NDUFAF6: variants seen among roughly 807,000 people sequenced by gnomAD.
The protein encoded by NDUFAF6 is NADH:ubiquinone oxidoreductase complex assembly factor 6, also known as NADH dehydrogenase (ubiquinone) complex I, assembly factor 6.
A neutral mutation model predicts 40.8 loss-of-function variants in NDUFAF6; 45 were observed. The ratio of observed to expected loss-of-function variants is 1.10; its 90% CI spans 0.87 to 1.42. The LOEUF is 1.42. Ranked by LOEUF, NDUFAF6 falls within the 40% of genes most tolerant of loss-of-function variation. The pLI is 0.00. For missense variants in NDUFAF6, 435 were observed against 418.5 expected (o/e 1.04, Z -0.34); for synonymous variants, 185 against 155.9 (o/e 1.19, Z -1.39).
rs558975637 is a variant in NDUFAF6 at position 95,049,551 on chromosome 8, T to G, written c.816+993T>G. Among the ~76,000 whole-genome samples, 4 of 152,330 alleles carry G rather than the reference T, an allele frequency of 2.6e-5. No homozygotes were observed. In the East Asian group the frequency reaches 5.8e-4, roughly 22 times the overall value. On this transcript the variant is annotated intron_variant, in intron 7 of 8. Transcript: ENST00000396124. ...TAGCTCCCATAATGCTAATTTTTCC[T>G]GGTACTTCTTGTGAACCTTTTCTTT...
At chr8:94,995,571 T>G (rs553513018) in intron 2 of NDUFAF6, among the ~76,000 whole-genome samples, 1 of 151,462 alleles carries the variant, frequency 6.6e-6, no homozygotes, top group East Asian at 1.9e-4. Flanking sequence ...TGAGCCCCCA[T>G]CTTTAAAAAT....
rs1352638791 is a variant in NDUFAF6, at chr8:95,052,240, T to C, written c.873+10T>C. ...TGCTTTTCTTCAGACGGTAAGTAGA[T>C]TAACAGAGAAGGCTGTATAATTAGT... is the stretch of plus-strand genomic sequence containing the variant. On this transcript the variant is annotated intron_variant, in intron 8 of 8. Coordinates refer to ENST00000396124, the MANE Select transcript of NDUFAF6 (RefSeq NM_152416.4). The C allele has an allele frequency of 6.2e-7, 1 of 1,613,170 alleles. No individual in the cohort carries two copies. The highest frequency in any genetic ancestry group is 1.3e-5 in the African/African-American group (1 of 74,920).
At chr8:94,915,110 C>G (rs920629635) in intron 1 of NDUFAF6, among the ~76,000 whole-genome samples, 5 of 151,526 alleles carry the variant, frequency 3.3e-5, no homozygotes, top group African/African-American at 1.2e-4. Context: ...GTCTGTTGTT[C>G]GCATCTTAAA....
chr8:94,943,135 G>C (rs1821702450), intron 1 of NDUFAF6, among the ~76,000 whole-genome samples: 1 of 152,116 alleles, frequency 6.6e-6, no homozygotes, highest in Non-Finnish European at 1.5e-5. Flanking sequence ...TCAGGAGTGT[G>C]GTCTCAGCTA....
In NDUFAF6 at chr8:94,940,940, A is replaced by G. The variant is rs1377380963; in HGVS notation, c.-935-4543A>G. 1.9e-6 allele frequency: 3 copies of G among 1,611,790 alleles called. No homozygotes were observed. The African/African-American group carries it at 4.0e-5, about 22-fold the overall frequency. ...AAACATTTTATTCAGCCTCTGGAAC[A>G]TTGTTAAGGCAAGACTGAGAGTTTG... is the stretch of plus-strand genomic sequence containing the variant. On this transcript the variant is annotated intron_variant, in intron 1 of 14. Coordinates refer to the NDUFAF6 transcript ENST00000396113.
At chr8:95,035,361 A>G (rs1326893792) in intron 2 of NDUFAF6, 93 bp from the exon 3 acceptor site, 2 of 1,319,342 alleles carry the variant, frequency 1.5e-6, no homozygotes, top group Admixed American at 1.7e-5. Flanking sequence ...ATAATACAGA[A>G]CAGTTACATT....
At position 95,002,431 on chromosome 8, in the gene NDUFAF6, C is replaced by G. The variant is rs1390663595; in HGVS notation, c.-84+21458C>G. Among the ~76,000 whole-genome samples, 4 of 152,236 alleles carry G rather than the reference C, an allele frequency of 2.6e-5. No individual in the cohort carries two copies. The East Asian group carries it at 7.7e-4, about 29-fold the overall frequency. ...TAACACATACAAGTCCAATTTAGAA[C>G]AGTTAACTTTTAGTGAACACACCTA... is the stretch of plus-strand genomic sequence containing the variant. On this transcript the variant is annotated intron_variant, in intron 2 of 9. Transcript: ENST00000396111.
intron 3 of NDUFAF6, among the ~76,000 whole-genome samples, chr8:95,041,155 G>T (rs942271615): frequency 2.0e-5 from 3 of 152,148 alleles, no homozygotes; most frequent in Non-Finnish European, 2.9e-5. Context: ...GGAGGTTGAG[G>T]CAGGAAGATA....
At chr8:94,973,928 G>A (rs1261881855) in intron 1 of NDUFAF6, among the ~76,000 whole-genome samples, 1 of 151,628 alleles carries the variant, frequency 6.6e-6, no homozygotes, top group South Asian at 2.1e-4. Context: ...CCAGAACTGT[G>A]AGAAATAAGT....
intron 1 of NDUFAF6, among the ~76,000 whole-genome samples, chr8:94,897,071 A>G (rs1817669091): frequency 6.6e-6 from 1 of 152,150 alleles, no homozygotes; most frequent in South Asian, 2.1e-4. Context: ...GCATGATGTC[A>G]AGAAAAGGGG....
At chr8:95,056,980 T>C (rs1178581963) in intron 8 of NDUFAF6, among the ~76,000 whole-genome samples, 1 of 151,968 alleles carries the variant, frequency 6.6e-6, no homozygotes, top group Non-Finnish European at 1.5e-5. Flanking sequence ...GAAAAAAAAG[T>C]CTGGAAGAAA....
intron 1 of NDUFAF6, chr8:94,928,778 C>T (rs141553147): frequency 6.6e-6 from 1 of 152,360 alleles, no homozygotes; most frequent in East Asian, 1.9e-4. Context: ...TGAAAGTCCC[C>T]CAGGGTTCCC....
intron 6 of NDUFAF6, among the ~76,000 whole-genome samples, chr8:95,047,582 T>A (rs1391787564): frequency 6.7e-6 from 1 of 149,802 alleles, no homozygotes; most frequent in Non-Finnish European, 1.5e-5. Flanking sequence ...TGATCTCGGC[T>A]CACTGCAACC....
chr8:95,056,027 A>T (rs928327238), intron 8 of NDUFAF6, among the ~76,000 whole-genome samples: 14 of 151,998 alleles, frequency 9.2e-5, no homozygotes, highest in South Asian at 2.1e-4. Context: ...CCTGAACAAC[A>T]TATTGCTTAG....
intron 1 of NDUFAF6, among the ~76,000 whole-genome samples, chr8:94,912,226 A>G (rs1818829498): frequency 6.6e-6 from 1 of 152,264 alleles, no homozygotes; most frequent in African/African-American, 2.4e-5. Flanking sequence ...TTGTTCAAAA[A>G]GGATCTTAAC....
intron 1 of NDUFAF6, among the ~76,000 whole-genome samples, chr8:94,976,194 C>A (rs915305820): frequency 3.7e-3 from 382 of 102,000 alleles, no homozygotes; most frequent in Non-Finnish European, 4.1e-3. Flanking sequence ...GACTGTGTCT[C>A]AAAAAAAAAA....
At chr8:94,989,573 A>G (rs533177876) in intron 2 of NDUFAF6, among the ~76,000 whole-genome samples, 11 of 152,350 alleles carry the variant, frequency 7.2e-5, no homozygotes, top group Admixed American at 3.3e-4. Context: ...TAATGAATCA[A>G]TGGTCAAACT....
At chr8:95,049,970 A>T (rs527541980) in intron 7 of NDUFAF6, among the ~76,000 whole-genome samples, 1 of 152,216 alleles carries the variant, frequency 6.6e-6, no homozygotes, top group Admixed American at 6.5e-5. Context: ...AAGCTCTTTG[A>T]GGGCAAAGAC....
intron 4 of NDUFAF6, among the ~76,000 whole-genome samples, chr8:95,114,601 C>T (rs971756412): frequency 6.6e-6 from 1 of 152,200 alleles, no homozygotes. Flanking sequence ...TGAGCTATTT[C>T]AGTGACTGTA....
Sources: allele counts gnomAD v4.1 joint callset (sites outside exome capture counted in the v4.1 genomes callset), GRCh38; gene constraint gnomAD v4.1.1; transcripts MANE v1.5; gene names NCBI Gene and HGNC (gene_info 2026-07-23, HGNC 2026-07-21).